The following NUP62CL variants were observed in gnomAD, a reference collection of about 807,000 sequenced individuals.
The protein encoded by NUP62CL is nucleoporin-62 C-terminal-like protein.
NUP62CL carries 13 observed loss-of-function variants against 15.3 expected under a neutral mutation model. The observed-to-expected ratio is 0.85, with a 90% CI of 0.55 to 1.35. The LOEUF is 1.35. Among genes scored for constraint, NUP62CL ranks in the 40% most tolerant of loss-of-function variants. NUP62CL has a pLI of 0.00. For synonymous variants in NUP62CL, 54 were observed against 49.2 expected (o/e 1.10, Z -0.41); for missense variants, 123 against 130.6 (o/e 0.94, Z 0.28).
chrX:107,202,454 T>C (rs1187546945), intron 1 of NUP62CL: 1 of 110,921 alleles, frequency 9.0e-6, no homozygotes, highest in Non-Finnish European at 1.9e-5. Flanking sequence ...GAAAAAAATA[T>C]TCATAAAGTA....
intron 1 of NUP62CL, among the ~76,000 whole-genome samples, chrX:107,193,623 G>A (rs747667740): frequency 1.8e-5 from 2 of 110,995 alleles, no homozygotes; most frequent in East Asian, 2.8e-4. Flanking sequence ...AAACCTTCAA[G>A]GTCCAGGCAG....
chrX:107,203,990 C>T (rs2147820797), intron 1 of NUP62CL, among the ~76,000 whole-genome samples: 1 of 111,482 alleles, frequency 9.0e-6, no homozygotes, highest in Admixed American at 9.5e-5. Context: ...TTTTAGATCT[C>T]TCAGGTTTCA....
chrX:107,204,848 ATTT>A (rs1927618705), intron 1 of NUP62CL, among the ~76,000 whole-genome samples: 1 of 82,833 alleles, frequency 1.2e-5, no homozygotes, highest in Admixed American at 1.3e-4. Flanking sequence ...TAAATTATTT[ATTT>A]AAATAAATTT....
At chrX:107,147,209 A>T (rs772393589) in intron 8 of NUP62CL, among the ~76,000 whole-genome samples, 2 of 111,349 alleles carry the variant, frequency 1.8e-5, no homozygotes, top group South Asian at 7.6e-4. Context: ...CTAATAATAA[A>T]CCTATTAAGA....
rs752342907 is a variant in NUP62CL, at chrX:107,167,761, C to T, written c.82G>A (p.Ala28Thr). The change falls in exon 4 of 9, where the codon GCC becomes ACC. Residue 28 changes from alanine to threonine, a missense_variant. Ala to Thr is a moderately conservative substitution (Grantham distance 58). Transcript: ENST00000372466. ...GTAGTAGTGTTGGTGGTGAAAGTGG[C>T]GGTGGTAGTCGTTGAAGTTGTAACT... ...LSFTTSTTTT[A>T]TFTTNTTTTI... The T allele has an allele frequency of 1.9e-5, 23 of 1,186,963 alleles. No homozygotes were observed. The South Asian group carries it at 3.5e-4, about 18-fold the overall frequency.
chrX:107,154,465 G>A (rs2147799698), intron 4 of NUP62CL, among the ~76,000 whole-genome samples: 1 of 111,404 alleles, frequency 9.0e-6, no homozygotes, highest in East Asian at 2.8e-4. Flanking sequence ...AGTAAATAAA[G>A]ATTTATTAAG....
At chrX:107,153,409 A>G in intron 6 of NUP62CL, 45 bp downstream of exon 6, 1 of 1,114,464 alleles carries the variant, frequency 9.0e-7, no homozygotes, top group African/African-American at 1.8e-5. Context: ...ACTGAATAAA[A>G]AGATAGGTCT....
chrX:107,155,793 G>T (rs1208606333), intron 4 of NUP62CL, among the ~76,000 whole-genome samples: 1 of 112,780 alleles, frequency 8.9e-6, no homozygotes, highest in Non-Finnish European at 1.9e-5. Context: ...TGGCCAAATA[G>T]GAACAGCTCC....
chrX:107,143,288 A>T (rs1380569449), intron 8 of NUP62CL, among the ~76,000 whole-genome samples: 1 of 111,771 alleles, frequency 8.9e-6, no homozygotes, highest in East Asian at 2.8e-4. Flanking sequence ...GTAGTGATGC[A>T]ATCATGGCTC....
intron 2 of NUP62CL, among the ~76,000 whole-genome samples, chrX:107,183,759 C>T (rs747897646): frequency 9.0e-6 from 1 of 111,341 alleles, no homozygotes; most frequent in East Asian, 2.8e-4. Context: ...TATAACCAAC[C>T]ACCACAGAAA....
chrX:107,124,055 T>C lies in NUP62CL; in HGVS notation c.*320A>G, dbSNP rs1215420355. On this transcript the variant is annotated 3_prime_UTR_variant, in exon 9 of 9. Coordinates refer to ENST00000372466, the MANE Select transcript of NUP62CL (RefSeq NM_017681.3). ...TGTCTGGACAAAGGGGCTAGTATAA[T>C]TTTGATTTTCTAATACTAAAAACAA... is the stretch of plus-strand genomic sequence containing the variant. The C allele has an allele frequency of 8.9e-6, 2 of 224,907 alleles. No individual in the cohort carries two copies. Among genetic ancestry groups the C allele is most frequent in the African/African-American group, 6.1e-5 (2 of 32,738 alleles). 18.5% of individuals were successfully genotyped at this position (224,907 alleles called of 1,213,427 possible).
chrX:107,198,580 T>C lies in NUP62CL; in HGVS notation c.-91-5508A>G, dbSNP rs780144304. Among the ~76,000 whole-genome samples the C allele has an allele frequency of 2.8e-3, 315 of 110,779 alleles. 2 individuals are homozygous for C. Among genetic ancestry groups the C allele is most frequent in the African/African-American group, 9.8e-3 (298 of 30,424 alleles). On this transcript the variant is annotated intron_variant, in intron 1 of 8. Coordinates refer to ENST00000372466, the MANE Select transcript of NUP62CL (RefSeq NM_017681.3). ...CGAACCCATCGGGAGTAAGAACAAC[T>C]CTGGACGCACCACCTTTATGAGCTG...
intron 1 of NUP62CL, among the ~76,000 whole-genome samples, chrX:107,198,841 C>T (rs966827653): frequency 4.4e-5 from 5 of 112,450 alleles, no homozygotes; most frequent in Non-Finnish European, 7.5e-5. Context: ...TTCTTGAAGT[C>T]AGCGAGACCA....
intron 2 of NUP62CL, among the ~76,000 whole-genome samples, chrX:107,176,080 G>A (rs774059236): frequency 3.7e-4 from 41 of 111,558 alleles, no homozygotes; most frequent in Non-Finnish European, 6.8e-4. Context: ...CTGGCTGAAC[G>A]ATTCTGCCCA....
intron 2 of NUP62CL, among the ~76,000 whole-genome samples, chrX:107,177,711 T>C (rs1191002807): frequency 2.7e-5 from 3 of 111,444 alleles, no homozygotes; most frequent in Non-Finnish European, 5.7e-5. Flanking sequence ...ATGGCTATAA[T>C]CAAAAAGATA....
At chrX:107,179,372 C>T (rs1926861413) in intron 2 of NUP62CL, among the ~76,000 whole-genome samples, 1 of 111,270 alleles carries the variant, frequency 9.0e-6, no homozygotes, top group Non-Finnish European at 1.9e-5. Context: ...AAATAGTGAA[C>T]ACAGTACCCA....
At chrX:107,175,737 G>A (rs1329668472) in intron 2 of NUP62CL, among the ~76,000 whole-genome samples, 1 of 111,090 alleles carries the variant, frequency 9.0e-6, no homozygotes, top group African/African-American at 3.3e-5. Flanking sequence ...CTCTAGGGAG[G>A]GGTAGCCAAA....
intron 4 of NUP62CL, among the ~76,000 whole-genome samples, chrX:107,161,861 G>A (rs183787653): frequency 3.8e-5 from 3 of 79,834 alleles, no homozygotes; most frequent in South Asian, 6.3e-4. Flanking sequence ...TATCAAAACC[G>A]AGAAAACCCA....
intron 2 of NUP62CL, among the ~76,000 whole-genome samples, chrX:107,179,991 T>C (rs766581357): frequency 4.5e-5 from 5 of 112,263 alleles, no homozygotes; most frequent in African/African-American, 1.6e-4. Flanking sequence ...TCTATGTCTC[T>C]ATATAATAGT....
Sources: gnomAD v4.1 joint callset for allele counts (sites outside exome capture counted in the v4.1 genomes callset) on GRCh38, gnomAD v4.1.1 for gene constraint, MANE v1.5 for transcripts, NCBI Gene and HGNC (gene_info 2026-07-23, HGNC 2026-07-21) for gene names.